ATP8A2: variants seen among roughly 807,000 people sequenced by gnomAD.
ATP8A2 encodes phospholipid-transporting ATPase IB.
ATP8A2 carries 100 observed loss-of-function variants against 165.6 expected under a neutral mutation model. The observed-to-expected ratio is 0.60, with a 90% CI of 0.51 to 0.71. The LOEUF (loss-of-function observed/expected upper bound fraction) is 0.71. Among genes scored for constraint, ATP8A2 ranks in the 30% least tolerant of loss-of-function variants. ATP8A2 has a pLI of 0.00. For synonymous variants in ATP8A2, 543 were observed against 548.8 expected (o/e 0.99, Z 0.15); for missense variants, 1,227 against 1,479.5 (o/e 0.83, Z 2.80).
chr13:25,895,261 C>T (rs1378392743), intron 33 of ATP8A2, among the ~76,000 whole-genome samples: 1 of 152,128 alleles, frequency 6.6e-6, no homozygotes, highest in African/African-American at 2.4e-5. Flanking sequence ...TGAATTTTGT[C>T]AAAGGCCTTT....
At chr13:25,391,372 A>G (rs1385799696) in intron 1 of ATP8A2, among the ~76,000 whole-genome samples, 2 of 152,120 alleles carry the variant, frequency 1.3e-5, no homozygotes, top group Non-Finnish European at 2.9e-5. Flanking sequence ...TGATCCACCC[A>G]TTCTTTCATC....
intron 24 of ATP8A2, among the ~76,000 whole-genome samples, chr13:25,611,264 A>G (rs543643555): frequency 2.0e-5 from 3 of 152,164 alleles, no homozygotes; most frequent in Non-Finnish European, 2.9e-5. Flanking sequence ...TCCATTTGGT[A>G]TAATATTTTT....
In ATP8A2 at chr13:25,577,128, G is replaced by A; in HGVS notation, c.1772G>A (p.Cys591Tyr). The change falls in exon 20 of 37, where the codon TGT (cysteine) becomes TAT (tyrosine). Residue 591 changes from cysteine (C) to tyrosine (Y), a missense_variant. Physicochemically the swap from Cys to Tyr is radical, Grantham distance 194. This residue lies in a region of ATP8A2 where 592 missense variants were observed against 785.6 expected (regional missense o/e 0.75). Transcript: ENST00000381655. ...CCTTCAGGACGACTTCGGCTTTACT[G>A]TAAAGGGGCTGTAAGTACCGGAGAA... Reference protein sequence around the residue: ...RTPSGRLRLYCKGADNVIFER... With the variant: ...RTPSGRLRLYYKGADNVIFER... 6.2e-7 allele frequency: 1 copy of A among 1,613,832 alleles called. No homozygotes were observed. Among genetic ancestry groups the A allele is most frequent in the Non-Finnish European group, 8.5e-7 (1 of 1,179,810 alleles).
chr13:26,020,061 G>A lies in ATP8A2; in HGVS notation c.*76G>A, dbSNP rs1957060703. On this transcript the variant is annotated 3_prime_UTR_variant, in exon 37 of 37. Coordinates refer to ENST00000381655, the MANE Select transcript of ATP8A2 (RefSeq NM_016529.6). Reference sequence around the variant, plus strand: ...CCAGTGTTAACACATCTTTGTCAGAGAAGACTGGCGTCAGCAGCCAAAACA... The same window carrying A: ...CCAGTGTTAACACATCTTTGTCAGAAAAGACTGGCGTCAGCAGCCAAAACA... 9.2e-6 allele frequency: 10 copies of A among 1,089,514 alleles called. No homozygotes were observed. The South Asian group carries it at 1.3e-4, about 14-fold the overall frequency. The allele number at this position is 1,089,514 out of a possible 1,614,324, so 67.5% of individuals were successfully genotyped here. A position where few individuals can be genotyped will look rare whatever the true frequency, so the allele number is the denominator to read the frequency against.
At chr13:26,002,758 C>T (rs755109979) in intron 35 of ATP8A2, among the ~76,000 whole-genome samples, 2 of 151,586 alleles carry the variant, frequency 1.3e-5, no homozygotes, top group African/African-American at 2.4e-5. Context: ...TTACTGTGCC[C>T]GGTTTATTTC....
intron 24 of ATP8A2, among the ~76,000 whole-genome samples, chr13:25,618,826 C>G (rs1189350685): frequency 6.6e-6 from 1 of 151,928 alleles, no homozygotes; most frequent in Admixed American, 6.6e-5. Flanking sequence ...GGGCTACATC[C>G]AACATGCATT....
chr13:25,931,868 G>A (rs763216340), intron 33 of ATP8A2, among the ~76,000 whole-genome samples: 3 of 151,844 alleles, frequency 2.0e-5, no homozygotes, highest in Non-Finnish European at 2.9e-5. Flanking sequence ...CCAACATGGA[G>A]AAACCCCCGT....
At chr13:25,568,416 G>A (rs2039377693) in intron 16 of ATP8A2, among the ~76,000 whole-genome samples, 1 of 152,096 alleles carries the variant, frequency 6.6e-6, no homozygotes, top group African/African-American at 2.4e-5. Flanking sequence ...TTTTAAACAT[G>A]TATCATTTTC....
At chr13:25,966,077 AT>A (rs1234432838) in intron 34 of ATP8A2, among the ~76,000 whole-genome samples, 1 of 150,510 alleles carries the variant, frequency 6.6e-6, no homozygotes, top group Non-Finnish European at 1.5e-5. Context: ...TAAACAGTCT[AT>A]TTCTTTTAAA....
chr13:25,571,096 CG>C (rs2039454979), intron 17 of ATP8A2, among the ~76,000 whole-genome samples: 1 of 152,138 alleles, frequency 6.6e-6, no homozygotes, highest in African/African-American at 2.4e-5. Context: ...GGGAGGACCC[CG>C]GTTATGTTGC....
intron 29 of ATP8A2, 66 bp downstream of exon 29, chr13:25,837,351 G>C: frequency 6.4e-7 from 1 of 1,573,028 alleles, no homozygotes; most frequent in Non-Finnish European, 8.7e-7. Context: ...CTAGTCATCT[G>C]CCTAGGAGAT....
chr13:25,644,141 G>A (rs1308497293), intron 24 of ATP8A2, among the ~76,000 whole-genome samples: 2 of 151,834 alleles, frequency 1.3e-5, no homozygotes, highest in East Asian at 3.9e-4. Flanking sequence ...GTTTTTTGGT[G>A]GAATCTTTAG....
intron 28 of ATP8A2, among the ~76,000 whole-genome samples, chr13:25,832,869 CAG>C (rs1208755773): frequency 1.3e-5 from 2 of 152,200 alleles, no homozygotes; most frequent in East Asian, 1.9e-4. Context: ...ATTGGGAAAA[CAG>C]TGAACAATTT....
At chr13:25,684,387 G>C (rs2042558583) in intron 24 of ATP8A2, among the ~76,000 whole-genome samples, 1 of 152,164 alleles carries the variant, frequency 6.6e-6, no homozygotes, top group Non-Finnish European at 1.5e-5. Context: ...TTTTTCAATT[G>C]GAAGTGTTGA....
At chr13:25,553,693 A>G (rs1391438335) in intron 11 of ATP8A2, 100 bp from the exon 12 acceptor site, 1 of 1,231,708 alleles carries the variant, frequency 8.1e-7, no homozygotes, top group Non-Finnish European at 1.1e-6. Flanking sequence ...GGTTCCTGAC[A>G]TGCAGGAGGT....
chr13:25,469,111 A>T lies in ATP8A2; in HGVS notation c.211A>T (p.Asn71Tyr). ...NQPHLNKFRD[N>Y]QISTAKYSVL... ...ACCGCATCTCAACAAATTCCGCGAC[A>T]ACCAGATCAGGTAGGAGAAGGCGGC... The change falls in exon 2 of 37, where the codon AAC becomes TAC. Residue 71 changes from asparagine to tyrosine, a missense_variant. Physicochemically the swap from Asn to Tyr is moderately radical, Grantham distance 143 (BLOSUM62 -2). This residue lies in a region of ATP8A2 where 356 missense variants were observed against 394.9 expected (regional missense o/e 0.90). Coordinates refer to ENST00000381655, the MANE Select transcript of ATP8A2 (RefSeq NM_016529.6). The T allele has an allele frequency of 6.2e-7, 1 of 1,613,944 alleles. No homozygotes were observed. Among genetic ancestry groups the T allele is most frequent in the Non-Finnish European group, 8.5e-7 (1 of 1,179,848 alleles).
At chr13:25,755,194 G>A (rs924091934) in intron 25 of ATP8A2, among the ~76,000 whole-genome samples, 1 of 152,200 alleles carries the variant, frequency 6.6e-6, no homozygotes, top group African/African-American at 2.4e-5. Context: ...TGAGCTAAAT[G>A]TACAGTTCTA....
intron 24 of ATP8A2, among the ~76,000 whole-genome samples, chr13:25,610,990 A>T (rs2040670872): frequency 6.7e-6 from 1 of 148,562 alleles, no homozygotes; most frequent in African/African-American, 2.5e-5. Context: ...TCTGTACATT[A>T]ATTTTGTATC....
chr13:25,842,000 A>G (rs1312109534), intron 30 of ATP8A2, among the ~76,000 whole-genome samples: 1 of 152,110 alleles, frequency 6.6e-6, no homozygotes. Flanking sequence ...AACACCTCCT[A>G]TCAGGCCACA....
Sources: allele counts gnomAD v4.1 joint callset (sites outside exome capture counted in the v4.1 genomes callset), GRCh38; gene constraint gnomAD v4.1.1; regional missense constraint gnomAD v4.1.1; transcripts MANE v1.5; gene names NCBI Gene and HGNC (gene_info 2026-07-23, HGNC 2026-07-21).